Variants in CROT observed in about 807,000 individuals in gnomAD.
CROT encodes peroxisomal carnitine O-octanoyltransferase.
A neutral mutation model predicts 89.2 loss-of-function variants in CROT; 84 were observed. The observed-to-expected ratio is 0.94, with a 90% confidence interval of 0.79 to 1.13. CROT has a LOEUF of 1.13. Ranked by LOEUF, CROT falls within the 50% of genes most tolerant of loss-of-function variation. CROT has a pLI of 0.00. For missense variants in CROT, 711 were observed against 727.8 expected (o/e 0.98, Z 0.27); for synonymous variants, 212 against 239.5 (o/e 0.89, Z 1.06).
Position 87,348,386 on chromosome 7 carries a change from G to A in CROT, c.-21-662G>A, listed in dbSNP as rs6944261. ...AGACCATTCTGTGTAGACCTCATAC[G>A]ACCTGTGCAATTAAAGCAGCTTGTC... is the stretch of plus-strand genomic sequence containing the variant. On this transcript the variant is annotated intron_variant, in intron 2 of 17. Coordinates refer to ENST00000331536, the MANE Select transcript of CROT (RefSeq NM_021151.4). Among the ~76,000 whole-genome samples the A allele has an allele frequency of 2.0e-5, 3 of 151,978 alleles. 1 individual carries two copies. The South Asian group carries it at 6.2e-4, about 31-fold the overall frequency.
chr7:87,391,341 G>A lies in CROT; in HGVS notation c.1302-248G>A, dbSNP rs146985101. Among the ~76,000 whole-genome samples, 1,177 of 152,308 alleles carry A rather than the reference G, an allele frequency of 7.7e-3. 11 individuals are homozygous for A. Among genetic ancestry groups the A allele is most frequent in the Non-Finnish European group, 8.5e-3 (575 of 68,032 alleles). On this transcript the variant is annotated intron_variant, in intron 13 of 17. Coordinates refer to ENST00000331536, the MANE Select transcript of CROT (RefSeq NM_021151.4). ...ATAAATAGCAGGAGGCAGGAATCAC[G>A]GGGGCCATCTTAGAGGCTGTAATGT... is the stretch of plus-strand genomic sequence containing the variant.
chr7:87,357,330 C>T (rs994352241), intron 3 of CROT, among the ~76,000 whole-genome samples: 3 of 152,156 alleles, frequency 2.0e-5, no homozygotes, highest in African/African-American at 7.2e-5. Flanking sequence ...GACTCTCACC[C>T]CATTGGGCTG....
At chr7:87,391,784 AC>A in intron 14 of CROT, 72 bp downstream of exon 14, 1 of 1,454,758 alleles carries the variant, frequency 6.9e-7, no homozygotes, top group Non-Finnish European at 9.3e-7. Flanking sequence ...TCTTTGAGTA[AC>A]TAACTTCTTT....
At chr7:87,373,592 G>A (rs1806710437) in intron 7 of CROT, among the ~76,000 whole-genome samples, 3 of 152,080 alleles carry the variant, frequency 2.0e-5, no homozygotes, top group South Asian at 4.1e-4. Flanking sequence ...TATACATTTA[G>A]TTGGAAATGT....
intron 10 of CROT, among the ~76,000 whole-genome samples, chr7:87,381,270 T>C (rs1806992413): frequency 6.6e-6 from 1 of 152,140 alleles, no homozygotes; most frequent in South Asian, 2.1e-4. Context: ...GGGCAAAAAC[T>C]TTGTTCTTCA....
chr7:87,369,293 T>C, intron 6 of CROT, 83 bp from the exon 7 acceptor site: 1 of 798,590 alleles, frequency 1.3e-6, no homozygotes, highest in Non-Finnish European at 2.0e-6. Flanking sequence ...GAAGAATGCC[T>C]ACTTTTCTTC....
intron 3 of CROT, chr7:87,357,557 G>A: frequency 6.9e-7 from 1 of 1,440,042 alleles, no homozygotes; most frequent in South Asian, 1.2e-5. Flanking sequence ...TGCTAAGAGA[G>A]GGTTCTTGGA....
intron 3 of CROT, among the ~76,000 whole-genome samples, chr7:87,349,749 G>A (rs1805810467): frequency 6.6e-6 from 1 of 152,114 alleles, no homozygotes; most frequent in Non-Finnish European, 1.5e-5. Flanking sequence ...TTAAAATGGT[G>A]TTACTCTGGC....
chr7:87,361,692 A>G (rs751865318), intron 5 of CROT, 36 bp from the exon 6 acceptor site: 1 of 1,546,592 alleles, frequency 6.5e-7, no homozygotes, highest in South Asian at 1.2e-5. Flanking sequence ...TTTAAATTTT[A>G]TAATGACTTT....
chr7:87,381,782 G>A (rs1284294556), intron 10 of CROT, 128 bp from the exon 11 acceptor site: 1 of 593,224 alleles, frequency 1.7e-6, no homozygotes, highest in Non-Finnish European at 2.9e-6. Flanking sequence ...ATATCCTCAA[G>A]AGGTGAGGCA....
intron 13 of CROT, among the ~76,000 whole-genome samples, chr7:87,383,497 C>CTCT (rs1807091828): frequency 7.7e-6 from 1 of 130,456 alleles, no homozygotes. Context: ...ATGTATATCA[C>CTCT]TTTTTTTTTT....
Position 87,392,630 on chromosome 7 carries a change from G to T in CROT, c.1490G>T (p.Cys497Phe), listed in dbSNP as rs1388985604. Residue 497 changes from cysteine to phenylalanine, a missense_variant, in exon 15 of 18, where the codon TGT becomes TTT. Physicochemically the swap from Cys to Phe is radical, Grantham distance 205 (BLOSUM62 -2). Transcript: ENST00000331536. The stretch of plus-strand genomic sequence containing the variant: ...AAGCATAATAAAATGATGAAAGATT[G>T]TTCAGCTGGAAAAGGTACTTAAGTT... ...FAKHNKMMKD[C>F]SAGKGFDRHL... The T allele has an allele frequency of 1.2e-6, 2 of 1,613,222 alleles. No homozygotes were observed. Among genetic ancestry groups the T allele is most frequent in the South Asian group, 2.2e-5 (2 of 91,028 alleles).
chr7:87,357,747 GT>G (rs1554388727), intron 3 of CROT, among the ~76,000 whole-genome samples: 1 of 152,128 alleles, frequency 6.6e-6, no homozygotes, highest in Non-Finnish European at 1.5e-5. Flanking sequence ...ACTAAGCTAC[GT>G]CTACATGTGG....
chr7:87,398,731 G>C lies in CROT; in HGVS notation c.*87G>C, dbSNP rs1324582600. On this transcript the variant is annotated 3_prime_UTR_variant, in exon 18 of 18. Transcript: ENST00000331536. ...TTGGTAATATGAGATGGGAAGGAAT[G>C]TTGACTTGCTAACATTCCTTTAACA... 1 of 1,272,806 alleles carries C rather than the reference G, an allele frequency of 7.9e-7. No individual in the cohort carries two copies. The highest frequency in any genetic ancestry group is 1.1e-6 in the Non-Finnish European group (1 of 915,890). The allele number at this position is 1,272,806 out of a possible 1,614,324, so 78.8% of individuals were successfully genotyped here. A position where few individuals can be genotyped will look rare whatever the true frequency, so the allele number is the denominator to read the frequency against.
intron 3 of CROT, among the ~76,000 whole-genome samples, chr7:87,352,159 C>T (rs1429824185): frequency 2.0e-5 from 3 of 152,192 alleles, no homozygotes; most frequent in African/African-American, 7.2e-5. Context: ...GTTTTGGATG[C>T]CCTTTGGCCA....
At position 87,398,556 on chromosome 7, in the gene CROT, G is replaced by A; in HGVS notation, c.1751G>A (p.Cys584Tyr). The change falls in exon 18 of 18, where the codon TGT becomes TAT. Residue 584 changes from cysteine (C) to tyrosine (Y), a missense_variant. Cys to Tyr is a radical substitution (Grantham distance 194). Coordinates refer to ENST00000331536, the MANE Select transcript of CROT (RefSeq NM_021151.4). ...GTGGCCTGTTCAGCCTGGAAATCCT[G>A]TCCCGAGACTGATGCGGAAAAGCTA... ...FVVACSAWKS[C>Y]PETDAEKLVQ... 1 of 1,613,700 alleles carries A rather than the reference G, an allele frequency of 6.2e-7. No homozygotes were observed. The highest frequency in any genetic ancestry group is 8.5e-7 in the Non-Finnish European group (1 of 1,179,874).
chr7:87,360,818 C>T (rs1806242162), intron 4 of CROT, among the ~76,000 whole-genome samples: 1 of 152,082 alleles, frequency 6.6e-6, no homozygotes, highest in African/African-American at 2.4e-5. Context: ...AATGATATTT[C>T]TGAAGGTATC....
chr7:87,386,057 T>C (rs909395904), intron 13 of CROT, among the ~76,000 whole-genome samples: 1 of 152,202 alleles, frequency 6.6e-6, no homozygotes, highest in Non-Finnish European at 1.5e-5. Flanking sequence ...TGCTGTTGAG[T>C]TCAGTTTGCT....
chr7:87,365,232 T>G (rs536736823), intron 6 of CROT, among the ~76,000 whole-genome samples: 1 of 152,318 alleles, frequency 6.6e-6, no homozygotes, highest in African/African-American at 2.4e-5. Flanking sequence ...CTCATGCCTG[T>G]AATCCCAGCA....
Sources: allele counts gnomAD v4.1 joint callset (sites outside exome capture counted in the v4.1 genomes callset), GRCh38; gene constraint gnomAD v4.1.1; transcripts MANE v1.5; gene names NCBI Gene and HGNC (gene_info 2026-07-23, HGNC 2026-07-21).